The following CNTN4 variants were observed in gnomAD, a reference collection of about 807,000 sequenced individuals.
The protein encoded by CNTN4 is contactin-4.
A neutral mutation model predicts 122.5 loss-of-function variants in CNTN4; 77 were observed. The ratio of observed to expected loss-of-function variants is 0.63; its 90% confidence interval spans 0.52 to 0.76. The LOEUF is 0.76. CNTN4 is among the 30% of genes least tolerant of loss of function. The pLI is 0.00. For synonymous variants in CNTN4, 512 were observed against 447.0 expected (o/e 1.15, Z -1.83); for missense variants, 1,256 against 1,259.1 (o/e 1.00, Z 0.04).
At chr3:2,169,573 T>C (rs938360290) in intron 2 of CNTN4, among the ~76,000 whole-genome samples, 6 of 146,310 alleles carry the variant, frequency 4.1e-5, no homozygotes, top group Non-Finnish European at 9.3e-5. Flanking sequence ...GCCCGGCTGA[T>C]TTTTTTGTAG....
chr3:2,353,539 C>T (rs1233046273), intron 3 of CNTN4, among the ~76,000 whole-genome samples: 1 of 152,128 alleles, frequency 6.6e-6, no homozygotes, highest in Non-Finnish European at 1.5e-5. Context: ...CCGGGAAGGT[C>T]TGCAGTTTCA....
intron 2 of CNTN4, among the ~76,000 whole-genome samples, chr3:2,276,926 T>C (rs2041532309): frequency 6.6e-6 from 1 of 152,152 alleles, no homozygotes; most frequent in Admixed American, 6.6e-5. Flanking sequence ...GGGTTTGGTC[T>C]ACAAATATAG....
intron 4 of CNTN4, among the ~76,000 whole-genome samples, chr3:2,684,311 C>G (rs1362049486): frequency 1.3e-5 from 2 of 152,190 alleles, no homozygotes; most frequent in Middle Eastern, 3.4e-3. Flanking sequence ...AATAGGCCAG[C>G]CTAACTGAAG....
chr3:2,108,561 A>T (rs761011190), intron 2 of CNTN4, among the ~76,000 whole-genome samples: 1 of 152,240 alleles, frequency 6.6e-6, no homozygotes, highest in African/African-American at 2.4e-5. Flanking sequence ...TCATTGAGAC[A>T]GTGGATAACA....
intron 2 of CNTN4, among the ~76,000 whole-genome samples, chr3:2,163,988 A>G (rs1487122508): frequency 1.3e-5 from 2 of 152,152 alleles, no homozygotes; most frequent in South Asian, 2.1e-4. Flanking sequence ...CTGCAAAGGT[A>G]TAACAATGAT....
intron 4 of CNTN4, among the ~76,000 whole-genome samples, chr3:2,610,990 A>G (rs1007206051): frequency 3.3e-5 from 5 of 152,138 alleles, no homozygotes; most frequent in African/African-American, 7.2e-5. Flanking sequence ...AGTTGTTTTC[A>G]TGTAACGATA....
chr3:2,332,129 T>C (rs75204401), intron 2 of CNTN4, among the ~76,000 whole-genome samples: 2,127 of 152,286 alleles, frequency 0.014, 50 homozygotes, highest in African/African-American at 0.049. Context: ...AGATTGATGA[T>C]ATCTTTGCAC....
chr3:2,913,636 C>T (rs1334886863), intron 12 of CNTN4, among the ~76,000 whole-genome samples: 1 of 152,082 alleles, frequency 6.6e-6, no homozygotes, highest in Admixed American at 6.6e-5. Context: ...TCTGTATGCA[C>T]CTAATATTAG....
At chr3:2,747,415 AAAAT>A (rs2089849089) in intron 6 of CNTN4, among the ~76,000 whole-genome samples, 1 of 30,884 alleles carries the variant, frequency 3.2e-5, no homozygotes. Context: ...TCTAAAAAAA[AAAAT>A]AAAAATAAAA....
chr3:2,324,966 G>A (rs986880669), intron 2 of CNTN4, among the ~76,000 whole-genome samples: 1 of 152,112 alleles, frequency 6.6e-6, no homozygotes, highest in Non-Finnish European at 1.5e-5. Context: ...CTTATTTTCA[G>A]TGAGATATTC....
intron 2 of CNTN4, among the ~76,000 whole-genome samples, chr3:2,313,494 A>G (rs1201958342): frequency 2.0e-5 from 3 of 152,020 alleles, no homozygotes; most frequent in Non-Finnish European, 2.9e-5. Flanking sequence ...TGGTAAAAAA[A>G]TTGATTCAGA....
intron 6 of CNTN4, among the ~76,000 whole-genome samples, chr3:2,804,396 A>T (rs901655552): frequency 6.6e-6 from 1 of 152,250 alleles, no homozygotes; most frequent in Non-Finnish European, 1.5e-5. Flanking sequence ...TTTACTAACA[A>T]TGTGTACTTG....
chr3:2,822,256 T>C (rs1045914040), intron 7 of CNTN4, among the ~76,000 whole-genome samples: 20 of 152,374 alleles, frequency 1.3e-4, no homozygotes, highest in Admixed American at 5.9e-4. Flanking sequence ...ATCCTTGTTC[T>C]GTTTCAAATC....
At chr3:2,875,708 T>C (rs1482476563) in intron 8 of CNTN4, among the ~76,000 whole-genome samples, 2 of 152,198 alleles carry the variant, frequency 1.3e-5, no homozygotes, top group Non-Finnish European at 2.9e-5. Context: ...ATCTGAAGAC[T>C]GTCCATTAAA....
chr3:2,193,253 A>G (rs142133687), intron 2 of CNTN4, among the ~76,000 whole-genome samples: 20 of 151,532 alleles, frequency 1.3e-4, no homozygotes, highest in Admixed American at 3.9e-4. Flanking sequence ...CCTAGCATCT[A>G]TGGCATTGTC....
chr3:2,226,868 A>T (rs1275919963), intron 2 of CNTN4, among the ~76,000 whole-genome samples: 1 of 152,208 alleles, frequency 6.6e-6, no homozygotes, highest in East Asian at 1.9e-4. Flanking sequence ...TTGTTACAAG[A>T]ACTTTAAAAA....
chr3:2,681,149 G>A (rs2085142768), intron 4 of CNTN4, among the ~76,000 whole-genome samples: 1 of 152,232 alleles, frequency 6.6e-6, no homozygotes, highest in African/African-American at 2.4e-5. Flanking sequence ...CGCCACCCAA[G>A]GATTTTAAAA....
At chr3:2,919,981 A>T (rs947110005) in intron 12 of CNTN4, among the ~76,000 whole-genome samples, 2 of 151,374 alleles carry the variant, frequency 1.3e-5, no homozygotes, top group Non-Finnish European at 2.9e-5. Context: ...AGTCTTTTAT[A>T]AAAAAAAATA....
At chr3:2,596,309 C>T (rs2080768028) in intron 4 of CNTN4, among the ~76,000 whole-genome samples, 1 of 152,022 alleles carries the variant, frequency 6.6e-6, no homozygotes. Context: ...ATTTACTAAA[C>T]AAATTATAGT....
Sources: allele counts gnomAD v4.1 joint callset (sites outside exome capture counted in the v4.1 genomes callset), GRCh38; gene constraint gnomAD v4.1.1; transcripts MANE v1.5; gene names NCBI Gene and HGNC (gene_info 2026-07-23, HGNC 2026-07-21).